Variants in SCAF1 observed in about 807,000 individuals in gnomAD.
SCAF1 encodes the protein SR-related CTD associated factor 1.
A neutral mutation model predicts 91.2 loss-of-function variants in SCAF1; 28 were observed. The observed-to-expected ratio is 0.31, with a 90% CI of 0.23 to 0.42. The LOEUF (loss-of-function observed/expected upper bound fraction) is 0.42. Ranked by LOEUF, SCAF1 falls within the 10% of genes least tolerant of loss-of-function variation. SCAF1 has a pLI of 1.00. For missense variants in SCAF1, 1,893 were observed against 1,872.1 expected (o/e 1.01, Z -0.21); for synonymous variants, 1,036 against 833.7 (o/e 1.24, Z -4.18).
At chr19:49,643,944 T>TG (rs945272717) in intron 1 of SCAF1, among the ~76,000 whole-genome samples, 2 of 152,066 alleles carry the variant, frequency 1.3e-5, no homozygotes, top group African/African-American at 4.8e-5. Context: ...AGGCATGCTG[T>TG]GGGGGAAGCG....
In SCAF1 at chr19:49,653,401, C is replaced by A. The variant is rs1425359843; in HGVS notation, c.3012C>A (p.Val1004=). ...TVDSSCKTPE[V]SFLPEEATEE... is the part of the protein sequence containing the mutation. ...ACAGCAGCTGCAAGACACCTGAGGTCTCCTTCCTGCCCGAGGAGGCCACTG... is the reference window on the plus strand; with the variant it reads ...ACAGCAGCTGCAAGACACCTGAGGTATCCTTCCTGCCCGAGGAGGCCACTG... Residue 1004 remains valine (V), a synonymous_variant, in exon 7 of 11, where the codon GTC becomes GTA. Coordinates refer to ENST00000360565, the MANE Select transcript of SCAF1 (RefSeq NM_021228.3). 6.5e-7 allele frequency: 1 copy of A among 1,542,858 alleles called. No homozygotes were observed. Among genetic ancestry groups the A allele is most frequent in the East Asian group, 2.3e-5 (1 of 43,246 alleles).
rs755358101 is a variant in SCAF1 at position 49,646,225 on chromosome 19, G to A, written c.261+23G>A. 7.6e-6 allele frequency: 12 copies of A among 1,589,360 alleles called. No individual in the cohort carries two copies. The highest frequency in any genetic ancestry group is 1.7e-5 in the Admixed American group (1 of 57,450). On this transcript the variant is annotated intron_variant, in intron 4 of 10. Transcript: ENST00000360565. The surrounding 1 kb of genome is among the most constrained non-coding windows in gnomAD (Gnocchi z 5.6). ...ACTGTGAGTAAGAAGAGGGGGCTGG[G>A]GGCCTGGCTCACGGGTATCAGGGAG... is the stretch of plus-strand genomic sequence containing the variant.
chr19:49,640,620 A>T (rs556722810), upstream of SCAF1, among the ~76,000 whole-genome samples: 3 of 152,170 alleles, frequency 2.0e-5, no homozygotes, highest in Non-Finnish European at 4.4e-5. Context: ...CCCTCCTGGG[A>T]TCCTAGCCAA....
Position 49,653,473 on chromosome 19 carries a change from A to C in SCAF1, c.3084A>C (p.Glu1028Asp). Residue 1028 changes from glutamate to aspartate, a missense_variant, in exon 7 of 11, where the codon GAA becomes GAC. Glu to Asp is a conservative substitution (Grantham distance 45). Coordinates refer to ENST00000360565, the MANE Select transcript of SCAF1 (RefSeq NM_021228.3). ...RGGAEEEEEE[E>D]EEEEEEEEEE... is the part of the protein sequence containing the mutation. ...GGGCGGAGGAGGAGGAGGAGGAAGA[A>C]GAAGAGGAGGAGGAAGAGGAAGAGG... 6.4e-7 allele frequency: 1 copy of C among 1,555,626 alleles called. No individual in the cohort carries two copies. Among genetic ancestry groups the C allele is most frequent in the African/African-American group, 1.4e-5 (1 of 73,994 alleles).
Position 49,646,656 on chromosome 19 carries a change from G to T in SCAF1, c.362+30G>T. ...GTAGCTGGGCAGCTGGAGTGGGAGAGGCCTCAGCGTGAGAGCCAGAAGCAC... is the reference window on the plus strand; with the variant it reads ...GTAGCTGGGCAGCTGGAGTGGGAGATGCCTCAGCGTGAGAGCCAGAAGCAC... On this transcript the variant is annotated intron_variant, in intron 5 of 10. Coordinates refer to ENST00000360565, the MANE Select transcript of SCAF1 (RefSeq NM_021228.3). The surrounding 1 kb of genome is among the most constrained non-coding windows in gnomAD (Gnocchi z 5.6). 6.2e-7 allele frequency: 1 copy of T among 1,613,240 alleles called. No individual in the cohort carries two copies. Among genetic ancestry groups the T allele is most frequent in the Non-Finnish European group, 8.5e-7 (1 of 1,179,308 alleles).
Position 49,652,402 on chromosome 19 carries a change from C to A in SCAF1, c.2013C>A (p.Gly671=). The change falls in exon 7 of 11, where the codon GGC becomes GGA. Residue 671 remains glycine (G), a synonymous_variant. Coordinates refer to ENST00000360565, the MANE Select transcript of SCAF1 (RefSeq NM_021228.3). ...CGGCGCCCGCCCCGCCGCCCTCTGGCTCCACCTCGTGTGGTGACCGCGACA... is the reference window on the plus strand; with the variant it reads ...CGGCGCCCGCCCCGCCGCCCTCTGGATCCACCTCGTGTGGTGACCGCGACA... The part of the protein sequence containing the change: ...KAPAPAPPPS[G]STSCGDRDSR... 1.3e-6 allele frequency: 2 copies of A among 1,587,414 alleles called. No homozygotes were observed. Among genetic ancestry groups the A allele is most frequent in the Non-Finnish European group, 1.7e-6 (2 of 1,170,736 alleles).
In SCAF1 at chr19:49,653,477, G is replaced by T. The variant is rs772379040; in HGVS notation, c.3088G>T (p.Glu1030Ter). 6.4e-7 allele frequency: 1 copy of T among 1,557,552 alleles called. No individual in the cohort carries two copies. Among genetic ancestry groups the T allele is most frequent in the South Asian group, 1.2e-5 (1 of 82,196 alleles). ...GGAGGAGGAGGAGGAGGAAGAAGAAGAGGAGGAGGAAGAGGAAGAGGAGGA... is the reference window on the plus strand; with the variant it reads ...GGAGGAGGAGGAGGAGGAAGAAGAATAGGAGGAGGAAGAGGAAGAGGAGGA... Reference protein sequence around the residue: ...GAEEEEEEEEEEEEEEEEEEQ... With the variant: ...GAEEEEEEEE The change falls in exon 7 of 11, where the codon GAG (glutamate) becomes TAG (stop). Residue 1030 changes from glutamate to a stop codon, truncating the protein, a stop_gained. Transcript: ENST00000360565. LOFTEE classifies it high-confidence loss of function.
rs2081055543 is a variant in SCAF1 at position 49,646,454 on chromosome 19, G to A, written c.262-72G>A. 1.5e-6 allele frequency: 2 copies of A among 1,334,678 alleles called. No individual in the cohort carries two copies. Among genetic ancestry groups the A allele is most frequent in the East Asian group, 4.6e-5 (2 of 43,372 alleles). 82.7% of individuals were successfully genotyped at this position (1,334,678 alleles called of 1,614,324 possible). ...GATGTCTGGGTTCCTGAGAGGTTAG[G>A]GAGTGGGGAAGCAGGATTTGCCAGT... On this transcript the variant is annotated intron_variant, in intron 4 of 10. Coordinates refer to ENST00000360565, the MANE Select transcript of SCAF1 (RefSeq NM_021228.3). This position sits in a 1 kb window ranked among gnomAD's most constrained non-coding sequence, Gnocchi z 5.6.
rs747239669 is a variant in SCAF1, at chr19:49,652,736, G to A, written c.2347G>A (p.Asp783Asn). 1.2e-6 allele frequency: 2 copies of A among 1,605,626 alleles called. No homozygotes were observed. The highest frequency in any genetic ancestry group is 8.5e-7 in the Non-Finnish European group (1 of 1,176,482). Residue 783 changes from aspartate (D) to asparagine (N), a missense_variant, in exon 7 of 11, where the codon GAC becomes AAC. Transcript: ENST00000360565. ...CGGGGGTGACCGGGATCGGGACAGG[G>A]ACAGAGATAGGGACAGGGACAGGTC... is the stretch of plus-strand genomic sequence containing the variant. Reference protein sequence around the residue: ...LDGGDRDRDRDRDRDRDRSSK... With the variant: ...LDGGDRDRDRNRDRDRDRSSK...
chr19:49,654,028 C>T (rs1599830995), intron 7 of SCAF1, among the ~76,000 whole-genome samples: 1 of 152,176 alleles, frequency 6.6e-6, no homozygotes, highest in Non-Finnish European at 1.5e-5. Flanking sequence ...TGGCGGTTGC[C>T]TCTACCAGAC....
chr19:49,652,657 C>T lies in SCAF1; in HGVS notation c.2268C>T (p.Ala756=), dbSNP rs1191637310. ...SSQKDRRRSG[A]ASSSSSSREK... is the part of the protein sequence containing the mutation. The stretch of plus-strand genomic sequence containing the variant: ...AGAAGGATCGGCGCCGCTCGGGGGC[C>T]GCCTCCTCCTCCTCCTCTTCCCGGG... The change falls in exon 7 of 11, where the codon GCC becomes GCT. Residue 756 remains alanine, a synonymous_variant. Transcript: ENST00000360565. 2.6e-6 allele frequency: 4 copies of T among 1,561,110 alleles called. No individual in the cohort carries two copies. The Admixed American group carries it at 5.7e-5, about 22-fold the overall frequency.
chr19:49,657,808 G>C lies in SCAF1; in HGVS notation c.3666G>C (p.Lys1222Asn), dbSNP rs764840217. The C allele has an allele frequency of 1.2e-6, 2 of 1,608,412 alleles. No homozygotes were observed. The highest frequency in any genetic ancestry group is 1.7e-6 in the Non-Finnish European group (2 of 1,177,352). Residue 1222 changes from lysine (K) to asparagine (N), a missense_variant, in exon 10 of 11, where the codon AAG (lysine) becomes AAC (asparagine). Lys to Asn is a moderately conservative substitution (Grantham distance 94, BLOSUM62 0). Coordinates refer to ENST00000360565, the MANE Select transcript of SCAF1 (RefSeq NM_021228.3). ...AGGAGCGGGCGGTGGAGGAGGTGAA[G>C]CTGGCCATCAAGCCATACTATCAGA... ...HTQERAVEEV[K>N]LAIKPYYQKK...
chr19:49,658,008 G>T (rs76387513), intron 10 of SCAF1, 119 bp downstream of exon 10: 82,297 of 1,397,596 alleles, frequency 0.059, 2,855 homozygotes, highest in Non-Finnish European at 0.071. Context: ...TGGGAGGTGA[G>T]GAGGGTGACA....
chr19:49,651,241 G>C lies in SCAF1; in HGVS notation c.852G>C (p.Glu284Asp), dbSNP rs760729742. 12 of 1,609,122 alleles carry C rather than the reference G, an allele frequency of 7.5e-6. No individual in the cohort carries two copies. Among genetic ancestry groups the C allele is most frequent in the Admixed American group, 1.7e-5 (1 of 59,758 alleles). The change falls in exon 7 of 11, where the codon GAG (glutamate) becomes GAC (aspartate). Residue 284 changes from glutamate (E) to aspartate (D), a missense_variant. By Grantham distance (45) the Glu-to-Asp change is conservative (BLOSUM62 2). Coordinates refer to ENST00000360565, the MANE Select transcript of SCAF1 (RefSeq NM_021228.3). ...EEEEEEEEED[E>D]EEEEGLSQSI... is the part of the protein sequence containing the mutation. Reference sequence around the variant, plus strand: ...AAGAAGAAGAGGAAGAGGAAGACGAGGAGGAGGAGGAAGGCCTGTCCCAGA... The same window carrying C: ...AAGAAGAAGAGGAAGAGGAAGACGACGAGGAGGAGGAAGGCCTGTCCCAGA...
Position 49,654,862 on chromosome 19 carries a change from A to G in SCAF1, c.3610A>G (p.Thr1204Ala). Reference sequence around the variant, plus strand: ...CAGCAGCTCTGAGGGCCGTGGGGACACAGATAAGGTGAGCTGGCCTGGGGA... The same window carrying G: ...CAGCAGCTCTGAGGGCCGTGGGGACGCAGATAAGGTGAGCTGGCCTGGGGA... Reference protein sequence around the residue: ...GSSSSEGRGDTDKYLKKLHTQ... With the variant: ...GSSSSEGRGDADKYLKKLHTQ... Residue 1204 changes from threonine (T) to alanine (A), a missense_variant, in exon 9 of 11, where the codon ACA becomes GCA. Transcript: ENST00000360565. 6.3e-7 allele frequency: 1 copy of G among 1,593,336 alleles called. No homozygotes were observed. The highest frequency in any genetic ancestry group is 8.6e-7 in the Non-Finnish European group (1 of 1,167,158).
At position 49,649,669 on chromosome 19, in the gene SCAF1, A is replaced by G. The variant is rs537621733; in HGVS notation, c.479-1199A>G. Among the ~76,000 whole-genome samples, 3 of 151,868 alleles carry G rather than the reference A, an allele frequency of 2.0e-5. No homozygotes were observed. In the East Asian group the frequency reaches 5.8e-4, roughly 29 times the overall value. On this transcript the variant is annotated intron_variant, in intron 6 of 10. Transcript: ENST00000360565. ...TGCCACCACACCCGGCTAATTTGGT[A>G]TTTTTAGTAGAGATGGGCTTTCTCC...
In SCAF1 at chr19:49,651,348, C is replaced by G; in HGVS notation, c.959C>G (p.Pro320Arg). The G allele has an allele frequency of 6.2e-7, 1 of 1,608,510 alleles. No individual in the cohort carries two copies. The highest frequency in any genetic ancestry group is 8.5e-7 in the Non-Finnish European group (1 of 1,179,808). ...CAGGACTTCCCAGGTGACGAGAGCC[C>G]CCGCCCGGACGCGCAGCCCACACAG... ...LSQDFPGDES[P>R]RPDAQPTQPT... Residue 320 changes from proline (P) to arginine (R), a missense_variant, in exon 7 of 11, where the codon CCC becomes CGC. Coordinates refer to ENST00000360565, the MANE Select transcript of SCAF1 (RefSeq NM_021228.3).
chr19:49,642,171 C>A (rs2081030030), upstream of SCAF1: 1 of 152,224 alleles, frequency 6.6e-6, no homozygotes, highest in South Asian at 2.1e-4. The surrounding 1 kb of genome is among the most constrained non-coding windows in gnomAD (Gnocchi z 4.0). Flanking sequence ...CCTCTCTCCT[C>A]CTTTGCTCAC....
chr19:49,651,111 C>T lies in SCAF1; in HGVS notation c.722C>T (p.Pro241Leu). Residue 241 changes from proline to leucine, a missense_variant, in exon 7 of 11, where the codon CCG becomes CTG. Around this residue, in one of 5 missense-constraint regions of SCAF1, gnomAD observed 80 missense variants for 116.6 expected, o/e 0.69. Coordinates refer to ENST00000360565, the MANE Select transcript of SCAF1 (RefSeq NM_021228.3). ...FHPTDEAYSP[P>L]PAPEQKYDPF... Reference sequence around the variant, plus strand: ...CCCACCGACGAGGCCTACTCTCCACCGCCTGCTCCGGAGCAAAAGTACGAC... The same window carrying T: ...CCCACCGACGAGGCCTACTCTCCACTGCCTGCTCCGGAGCAAAAGTACGAC... The T allele has an allele frequency of 4.3e-6, 7 of 1,611,032 alleles. No individual in the cohort carries two copies. Among genetic ancestry groups the T allele is most frequent in the Non-Finnish European group, 5.9e-6 (7 of 1,179,172 alleles).
Sources: allele counts gnomAD v4.1 joint callset (sites outside exome capture counted in the v4.1 genomes callset), GRCh38; gene constraint gnomAD v4.1.1; regional missense constraint gnomAD v4.1.1; non-coding constraint Gnocchi (gnomAD v3.1); transcripts MANE v1.5; gene names NCBI Gene and HGNC (gene_info 2026-07-23, HGNC 2026-07-21).